HSD11B1: variants seen among roughly 807,000 people sequenced by gnomAD.
The protein encoded by HSD11B1 is 11-beta-hydroxysteroid dehydrogenase 1.
A neutral mutation model predicts 22.1 loss-of-function variants in HSD11B1; 15 were observed. The ratio of observed to expected loss-of-function variants is 0.68; its 90% CI spans 0.45 to 1.04. The LOEUF (loss-of-function observed/expected upper bound fraction) is 1.04. Among genes scored for constraint, HSD11B1 ranks in the 50% least tolerant of loss-of-function variants. The probability of loss-of-function intolerance (pLI) is 0.00; values close to 1 mark genes in which losing one functional copy is unlikely to be tolerated. For synonymous variants in HSD11B1, 122 were observed against 125.2 expected (o/e 0.97, Z 0.17); for missense variants, 281 against 357.6 (o/e 0.79, Z 1.73).
chr1:209,698,862 C>T (rs1446784941), intron 1 of HSD11B1, among the ~76,000 whole-genome samples: 1 of 152,198 alleles, frequency 6.6e-6, no homozygotes, highest in Non-Finnish European at 1.5e-5. Context: ...CTAGAAGGCC[C>T]TTGGCTCTCC....
intron 1 of HSD11B1, among the ~76,000 whole-genome samples, chr1:209,690,174 C>T (rs1019407810): frequency 2.6e-5 from 4 of 151,946 alleles, no homozygotes; most frequent in African/African-American, 9.7e-5. Flanking sequence ...ATTAGCAGAG[C>T]GTAGTGGTGC....
chr1:209,725,408 T>C (rs1160379281), intron 4 of HSD11B1, among the ~76,000 whole-genome samples: 4 of 152,238 alleles, frequency 2.6e-5, no homozygotes, highest in Non-Finnish European at 4.4e-5. Flanking sequence ...GTACTTCCTT[T>C]CATCAAGCAG....
intron 1 of HSD11B1, among the ~76,000 whole-genome samples, 181 bp downstream of exon 1, chr1:209,705,211 G>T (rs1011102750): frequency 1.5e-4 from 23 of 152,104 alleles, no homozygotes; most frequent in African/African-American, 5.1e-4. Context: ...GGACTGTGTA[G>T]GAAGGGTAAT....
chr1:209,711,537 T>C (rs2076895225), intron 4 of HSD11B1, among the ~76,000 whole-genome samples: 2 of 151,996 alleles, frequency 1.3e-5, no homozygotes, highest in Non-Finnish European at 2.9e-5. Flanking sequence ...ACGTAAGCAT[T>C]TACATGAGGG....
In HSD11B1 at chr1:209,708,035, T is replaced by C. The variant is rs561416121; in HGVS notation, c.517+907T>C. Among the ~76,000 whole-genome samples, 12 of 152,162 alleles carry C rather than the reference T, an allele frequency of 7.9e-5. No homozygotes were observed. In the South Asian group the frequency reaches 2.3e-3, roughly 29 times the overall value. On this transcript the variant is annotated intron_variant, in intron 4 of 5. Coordinates refer to ENST00000367027, the MANE Select transcript of HSD11B1 (RefSeq NM_005525.4). ...AACAACCAGCTGGGTAGGGAGGAAA[T>C]GTGTCCAGAGAAATGGTCATGAAAA...
chr1:209,729,344 G>A (rs2077021592), intron 4 of HSD11B1, among the ~76,000 whole-genome samples: 1 of 145,298 alleles, frequency 6.9e-6, no homozygotes, highest in South Asian at 2.2e-4. Context: ...GGGCAACAGA[G>A]CAAGACTCTG....
chr1:209,705,260 T>C (rs1478612663), intron 1 of HSD11B1, among the ~76,000 whole-genome samples: 1 of 152,018 alleles, frequency 6.6e-6, no homozygotes, highest in Non-Finnish European at 1.5e-5. Context: ...CATGCTTTAT[T>C]TGGCACCCTT....
At chr1:209,700,252 T>C (rs910595057), upstream of HSD11B1, among the ~76,000 whole-genome samples, 1 of 152,254 alleles carries the variant, frequency 6.6e-6, no homozygotes, top group Admixed American at 6.5e-5. Context: ...AAACTTTTGC[T>C]TGGGCATCCA....
At chr1:209,709,939 C>G (rs1434925583) in intron 4 of HSD11B1, among the ~76,000 whole-genome samples, 1 of 85,694 alleles carries the variant, frequency 1.2e-5, no homozygotes, top group Non-Finnish European at 2.3e-5. Context: ...ACATGTGAAA[C>G]ACACACACAC....
intron 4 of HSD11B1, among the ~76,000 whole-genome samples, chr1:209,725,830 A>C (rs922654383): frequency 7.2e-5 from 11 of 152,328 alleles, no homozygotes; most frequent in African/African-American, 2.4e-4. Flanking sequence ...CCTTATTTGC[A>C]CATGGTCCTT....
chr1:209,705,774 T>C, intron 1 of HSD11B1, 37 bp from the exon 2 acceptor site: 1 of 1,612,290 alleles, frequency 6.2e-7, no homozygotes, highest in Non-Finnish European at 8.5e-7. Flanking sequence ...TGCTGCCAAC[T>C]TGGGTATGGT....
At chr1:209,713,391 G>A (rs1358293808) in intron 4 of HSD11B1, among the ~76,000 whole-genome samples, 1 of 152,154 alleles carries the variant, frequency 6.6e-6, no homozygotes, top group African/African-American at 2.4e-5. Context: ...CATTGTGTGT[G>A]TATGCATGCA....
upstream of HSD11B1, among the ~76,000 whole-genome samples, chr1:209,701,799 C>T (rs1317087664): frequency 1.3e-5 from 2 of 152,212 alleles, no homozygotes; most frequent in Non-Finnish European, 2.9e-5. Context: ...TTTGCCATCT[C>T]CTATCAGTCT....
At position 209,691,727 on chromosome 1, in the gene HSD11B1, T is replaced by C. The variant is rs545827036; in HGVS notation, c.-49+5442T>C. Among the ~76,000 whole-genome samples the C allele has an allele frequency of 4.9e-4, 74 of 152,294 alleles. 1 individual carries two copies. The highest frequency in any genetic ancestry group is 4.6e-4 in the Non-Finnish European group (31 of 68,022). On this transcript the variant is annotated intron_variant, in intron 1 of 6. Transcript: ENST00000261465. ...ATTAATCATAATAATACAAACACTA[T>C]TGATTTAATTAAAATTGTGTTATTA...
Position 209,706,795 on chromosome 1 carries a change from T to C in HSD11B1, c.306T>C (p.Phe102=). 4 of 1,614,136 alleles carry C rather than the reference T, an allele frequency of 2.5e-6. No homozygotes were observed. The highest frequency in any genetic ancestry group is 3.4e-6 in the Non-Finnish European group (4 of 1,179,986). ...TMEDMTFAEQ[F]VAQAGKLMGG... ...AAGACATGACCTTCGCAGAGCAATT[T>C]GTTGCCCAAGCAGGAAAGCTCATGG... Residue 102 remains phenylalanine, a synonymous_variant, in exon 3 of 6, where the codon TTT becomes TTC. Coordinates refer to ENST00000367027, the MANE Select transcript of HSD11B1 (RefSeq NM_005525.4). The surrounding 1 kb of genome is among the most constrained non-coding windows in gnomAD (Gnocchi z 4.0).
At chr1:209,696,972 T>C (rs2076794918) in intron 1 of HSD11B1, among the ~76,000 whole-genome samples, 1 of 152,198 alleles carries the variant, frequency 6.6e-6, no homozygotes, top group Admixed American at 6.5e-5. Context: ...TCAGAATTTT[T>C]TGCATAAGGC....
At chr1:209,715,063 T>C (rs1263602443) in intron 4 of HSD11B1, among the ~76,000 whole-genome samples, 1 of 152,196 alleles carries the variant, frequency 6.6e-6, no homozygotes, top group Non-Finnish European at 1.5e-5. Flanking sequence ...TCATGTAGCC[T>C]GGCACTGGGG....
chr1:209,734,161 A>G (rs2077052782), intron 5 of HSD11B1, 143 bp from the exon 6 acceptor site: 2 of 687,778 alleles, frequency 2.9e-6, no homozygotes, highest in East Asian at 5.4e-5. Flanking sequence ...CAGTCTCTCC[A>G]TGTATTCCCT....
intron 4 of HSD11B1, among the ~76,000 whole-genome samples, chr1:209,718,296 T>C (rs1392644997): frequency 6.6e-6 from 1 of 152,208 alleles, no homozygotes; most frequent in East Asian, 1.9e-4. Flanking sequence ...TAAATACCCT[T>C]ACTTGATCAT....
Sources: allele counts gnomAD v4.1 joint callset (sites outside exome capture counted in the v4.1 genomes callset), GRCh38; gene constraint gnomAD v4.1.1; non-coding constraint Gnocchi (gnomAD v3.1); transcripts MANE v1.5; gene names NCBI Gene and HGNC (gene_info 2026-07-23, HGNC 2026-07-21).